The following SDK2 variants were observed in gnomAD, a reference collection of about 807,000 sequenced individuals.
SDK2 encodes protein sidekick-2.
In SDK2, 105 loss-of-function variants were observed where a neutral mutation model predicts 253.9. That is an observed-to-expected ratio of 0.41 (90% CI 0.35 to 0.49). The LOEUF (loss-of-function observed/expected upper bound fraction) is 0.49. SDK2 is among the 20% of genes least tolerant of loss of function. The pLI is 0.06. For synonymous variants in SDK2, 1,249 were observed against 1,234.9 expected (o/e 1.01, Z -0.24); for missense variants, 2,608 against 3,003.0 (o/e 0.87, Z 3.07).
chr17:73,568,392 G>A (rs1004690578), intron 1 of SDK2, among the ~76,000 whole-genome samples: 4 of 151,996 alleles, frequency 2.6e-5, no homozygotes, highest in Admixed American at 2.0e-4. Context: ...CCAAATACAC[G>A]TCTCTTCTTT....
At chr17:73,524,940 C>T (rs1050719276) in intron 1 of SDK2, among the ~76,000 whole-genome samples, 5 of 152,254 alleles carry the variant, frequency 3.3e-5, no homozygotes, top group Non-Finnish European at 7.3e-5. Flanking sequence ...ACATCATTCC[C>T]ATGGACTTGG....
At chr17:73,368,140 G>A (rs1482145254) in intron 37 of SDK2, among the ~76,000 whole-genome samples, 1 of 152,132 alleles carries the variant, frequency 6.6e-6, no homozygotes, top group Non-Finnish European at 1.5e-5. Context: ...GGTGCTGACT[G>A]TCCGTCTGCA....
chr17:73,528,392 T>C (rs953732433), intron 1 of SDK2, among the ~76,000 whole-genome samples: 32 of 152,292 alleles, frequency 2.1e-4, no homozygotes, highest in African/African-American at 7.7e-4. Flanking sequence ...TGCCAGGTTG[T>C]CCCAGGCGAT....
At chr17:73,637,833 G>T (rs969978669) in intron 1 of SDK2, among the ~76,000 whole-genome samples, 1 of 152,206 alleles carries the variant, frequency 6.6e-6, no homozygotes, top group East Asian at 1.9e-4. Context: ...TAAAGTTGGA[G>T]TTCAGCTGAT....
chr17:73,529,820 C>T (rs1400168204), intron 1 of SDK2, among the ~76,000 whole-genome samples: 1 of 152,174 alleles, frequency 6.6e-6, no homozygotes, highest in Non-Finnish European at 1.5e-5. Context: ...TGGGCTGACA[C>T]CTTTACTTTG....
At chr17:73,622,816 G>C (rs1257122438) in intron 1 of SDK2, among the ~76,000 whole-genome samples, 1 of 152,210 alleles carries the variant, frequency 6.6e-6, no homozygotes, top group Admixed American at 6.5e-5. Flanking sequence ...GGCTGGTTCT[G>C]GTTTTCATTT....
At chr17:73,451,729 A>C (rs1439557078) in intron 4 of SDK2, among the ~76,000 whole-genome samples, 5 of 152,112 alleles carry the variant, frequency 3.3e-5, no homozygotes, top group African/African-American at 1.2e-4. Context: ...GCAGTGAAGG[A>C]AGGTCCCTGG....
chr17:73,438,947 G>A (rs758893646), intron 6 of SDK2, among the ~76,000 whole-genome samples: 11 of 152,148 alleles, frequency 7.2e-5, no homozygotes, highest in South Asian at 4.1e-4. Context: ...TTTCTTCATC[G>A]AGGGGCTTCT....
chr17:73,380,021 A>T (rs940732616), intron 34 of SDK2, among the ~76,000 whole-genome samples: 3 of 152,040 alleles, frequency 2.0e-5, no homozygotes, highest in African/African-American at 4.8e-5. Flanking sequence ...CTGGACTAAG[A>T]AACCTGATGT....
chr17:73,642,400 C>T lies in SDK2; in HGVS notation c.64+1625G>A, dbSNP rs1845239937. ...ATCCCGTCCCTCCACGCCGTCCAGG[C>T]TTTTGGCTAGTAACACTGGTTGTCC... is the stretch of plus-strand genomic sequence containing the variant. On this transcript the variant is annotated intron_variant, in intron 1 of 44. Transcript: ENST00000392650. The surrounding 1 kb of genome is among the most constrained non-coding windows in gnomAD (Gnocchi z 4.7). Among the ~76,000 whole-genome samples, 1 of 152,226 alleles carries T rather than the reference C, an allele frequency of 6.6e-6. No homozygotes were observed. Among genetic ancestry groups the T allele is most frequent in the Non-Finnish European group, 1.5e-5 (1 of 68,038 alleles).
At chr17:73,369,834 C>T (rs1325371960) in intron 36 of SDK2, among the ~76,000 whole-genome samples, 2 of 152,138 alleles carry the variant, frequency 1.3e-5, no homozygotes, top group Non-Finnish European at 2.9e-5. Flanking sequence ...TTAGTAGAGA[C>T]GGGATTTCAC....
rs572191272 is a variant in SDK2, at chr17:73,528,197, A to T, written c.65-20600T>A. 5.3e-5 allele frequency among the ~76,000 whole-genome samples: 8 copies of T among 152,236 alleles called. 1 individual carries two copies. The highest frequency in any genetic ancestry group is 1.9e-4 in the African/African-American group (8 of 41,536). ...CAGTTAGCAAATATAGGGGAACTGGAGCTGCACACCTTTCAAAATTCCCAG... is the reference window on the plus strand; with the variant it reads ...CAGTTAGCAAATATAGGGGAACTGGTGCTGCACACCTTTCAAAATTCCCAG... On this transcript the variant is annotated intron_variant, in intron 1 of 44. Coordinates refer to ENST00000392650, the MANE Select transcript of SDK2 (RefSeq NM_001144952.2).
At chr17:73,497,479 T>A (rs1361196713) in intron 2 of SDK2, among the ~76,000 whole-genome samples, 1 of 152,162 alleles carries the variant, frequency 6.6e-6, no homozygotes, top group Non-Finnish European at 1.5e-5. Flanking sequence ...TAGTTGCCTG[T>A]TGGACATCCC....
At chr17:73,619,166 C>CAA (rs540815987) in intron 1 of SDK2, among the ~76,000 whole-genome samples, 109 of 90,218 alleles carry the variant, frequency 1.2e-3, no homozygotes, top group Middle Eastern at 7.8e-3. Context: ...GACCCTGTCT[C>CAA]AAAAAAAAAA....
At chr17:73,572,703 T>C (rs2045404296) in intron 1 of SDK2, among the ~76,000 whole-genome samples, 1 of 152,178 alleles carries the variant, frequency 6.6e-6, no homozygotes, top group Non-Finnish European at 1.5e-5. Flanking sequence ...ACTGACTGAA[T>C]GAATGAATGG....
In SDK2 at chr17:73,643,743, G is replaced by C. The variant is rs1045673566; in HGVS notation, c.64+282C>G. On this transcript the variant is annotated intron_variant, in intron 1 of 44. Transcript: ENST00000392650. This position sits in a 1 kb window ranked among gnomAD's most constrained non-coding sequence, Gnocchi z 6.9. ...GCAGGGCAGCCACAGCAGACGGGGG[G>C]AGGGGAGCGCCCCTCCCACTTCACC... Among the ~76,000 whole-genome samples, 41 of 152,230 alleles carry C rather than the reference G, an allele frequency of 2.7e-4. No homozygotes were observed. The highest frequency in any genetic ancestry group is 9.6e-4 in the African/African-American group (40 of 41,584).
rs1006652999 is a variant in SDK2, at chr17:73,570,459, T to A, written c.65-62862A>T. 6.6e-6 allele frequency among the ~76,000 whole-genome samples: 1 copy of A among 152,074 alleles called. No homozygotes were observed. The highest frequency in any genetic ancestry group is 2.4e-5 in the African/African-American group (1 of 41,414). Reference sequence around the variant, plus strand: ...TGAGCAGTTGGTGCCGCTTTGCCATTTGCCACTAGATTAGCCCAAAAATCA... The same window carrying A: ...TGAGCAGTTGGTGCCGCTTTGCCATATGCCACTAGATTAGCCCAAAAATCA... On this transcript the variant is annotated intron_variant, in intron 1 of 44. Coordinates refer to ENST00000392650, the MANE Select transcript of SDK2 (RefSeq NM_001144952.2). The surrounding 1 kb of genome is among the most constrained non-coding windows in gnomAD (Gnocchi z 4.2).
Position 73,455,916 on chromosome 17 carries a change from T to C in SDK2, c.469A>G (p.Ser157Gly). Residue 157 changes from serine (S) to glycine (G), a missense_variant, in exon 4 of 45, where the codon AGC becomes GGC. Transcript: ENST00000392650. This position sits in a 1 kb window ranked among gnomAD's most constrained non-coding sequence, Gnocchi z 5.0. ...GAGCGATGCACTCACATGCGGCTGCTGGGCGGGATCTTGCGGCCGTCCCGG... is the reference window on the plus strand; with the variant it reads ...GAGCGATGCACTCACATGCGGCTGCCGGGCGGGATCTTGCGGCCGTCCCGG... ...WFRDGRKIPP[S>G]SRIAITLENT... 1 of 1,543,506 alleles carries C rather than the reference T, an allele frequency of 6.5e-7. No homozygotes were observed. Among genetic ancestry groups the C allele is most frequent in the Non-Finnish European group, 8.7e-7 (1 of 1,146,254 alleles).
rs576848591 is a variant in SDK2 at position 73,470,658 on chromosome 17, G to A, written c.331+1454C>T. Among the ~76,000 whole-genome samples, 19 of 152,278 alleles carry A rather than the reference G, an allele frequency of 1.2e-4. 1 individual carries two copies. In the South Asian group the frequency reaches 3.7e-3, roughly 30 times the overall value. The stretch of plus-strand genomic sequence containing the variant: ...CAATCCATCCTCCACTTTTGATTAC[G>A]GTTGTTTTCCGTAATTATCATAAAC... On this transcript the variant is annotated intron_variant, in intron 3 of 44. Coordinates refer to ENST00000392650, the MANE Select transcript of SDK2 (RefSeq NM_001144952.2).
Sources: allele counts gnomAD v4.1 joint callset (sites outside exome capture counted in the v4.1 genomes callset), GRCh38; gene constraint gnomAD v4.1.1; non-coding constraint Gnocchi (gnomAD v3.1); transcripts MANE v1.5; gene names NCBI Gene and HGNC (gene_info 2026-07-23, HGNC 2026-07-21).